Variants in TRPC5 observed in about 807,000 individuals in gnomAD.
TRPC5 encodes transient receptor potential cation channel subfamily C member 5.
In TRPC5, 9 loss-of-function variants were observed where a neutral mutation model predicts 56.5. The observed-to-expected ratio is 0.16, with a 90% CI of 0.10 to 0.28. The LOEUF (loss-of-function observed/expected upper bound fraction) is 0.28. Ranked by LOEUF, TRPC5 falls within the 10% of genes least tolerant of loss-of-function variation. The pLI is 1.00. For synonymous variants in TRPC5, 282 were observed against 278.5 expected (o/e 1.01, Z -0.13); for missense variants, 469 against 748.9 (o/e 0.63, Z 4.36).
chrX:111,836,418 G>A (rs925198353), intron 6 of TRPC5, among the ~76,000 whole-genome samples: 1 of 111,375 alleles, frequency 9.0e-6, no homozygotes, highest in Non-Finnish European at 1.9e-5. Flanking sequence ...TTTGTTCTTC[G>A]GTTCATTTTA....
intron 1 of TRPC5, among the ~76,000 whole-genome samples, chrX:112,027,846 T>C (rs1929462945): frequency 2.7e-5 from 3 of 112,001 alleles, no homozygotes; most frequent in South Asian, 7.5e-4. Flanking sequence ...TCTCAGAATA[T>C]AGGTTGATTC....
chrX:111,936,508 C>A (rs113033024), intron 2 of TRPC5, among the ~76,000 whole-genome samples: 2,858 of 109,748 alleles, frequency 0.026, 105 homozygotes, highest in African/African-American at 0.09. Flanking sequence ...CCACACCCCA[C>A]AACAGGCCCC....
intron 3 of TRPC5, among the ~76,000 whole-genome samples, chrX:111,871,547 T>C (rs1923758744): frequency 9.0e-6 from 1 of 111,339 alleles, no homozygotes; most frequent in Non-Finnish European, 1.9e-5. Context: ...TAGTAACTCA[T>C]GGCATGAGGT....
intron 1 of TRPC5, among the ~76,000 whole-genome samples, chrX:112,047,197 T>C (rs762726072): frequency 1.2e-4 from 13 of 110,986 alleles, no homozygotes; most frequent in Non-Finnish European, 9.5e-5. Context: ...TCAATTGAGG[T>C]CTATATTCTC....
chrX:111,967,817 T>G (rs1927644297), intron 1 of TRPC5, among the ~76,000 whole-genome samples: 1 of 111,889 alleles, frequency 8.9e-6, no homozygotes, highest in South Asian at 3.7e-4. Flanking sequence ...TATACAAAAA[T>G]TAATTCAGGA....
At chrX:111,901,961 C>A (rs1399229878) in intron 3 of TRPC5, 1 of 1,154,705 alleles carries the variant, frequency 8.7e-7, no homozygotes, top group African/African-American at 1.8e-5. Flanking sequence ...ACAAGAAGTT[C>A]CTTATGTAGA....
At chrX:111,959,144 C>CAGTA (rs1228845909) in intron 1 of TRPC5, among the ~76,000 whole-genome samples, 1 of 111,798 alleles carries the variant, frequency 8.9e-6, no homozygotes, top group African/African-American at 3.2e-5. Context: ...ATTTAAAAGC[C>CAGTA]AGTATTATTG....
intron 3 of TRPC5, chrX:111,896,463 T>C (rs1925071268): frequency 9.1e-6 from 1 of 110,300 alleles, no homozygotes; most frequent in South Asian, 4.0e-4. Flanking sequence ...AGGCCGAGCC[T>C]TGATATCCGC....
intron 2 of TRPC5, among the ~76,000 whole-genome samples, chrX:111,931,696 A>G (rs893983174): frequency 1.3e-4 from 14 of 111,943 alleles, no homozygotes; most frequent in African/African-American, 4.6e-4. Flanking sequence ...CAATTCTTAT[A>G]TGAATAATAG....
intron 1 of TRPC5, among the ~76,000 whole-genome samples, chrX:112,005,463 T>TAAAAAAAAAAAAA (rs745973541): frequency 4.2e-4 from 28 of 66,369 alleles, no homozygotes; most frequent in African/African-American, 1.7e-3. Context: ...AACCTAAAAG[T>TAAAAAAAAAAAAA]AAAAAAAAAA....
rs972405883 is a variant in TRPC5 at position 111,775,397 on chromosome X, A to G, written c.*916T>C. 3.6e-5 allele frequency: 4 copies of G among 112,317 alleles called. No homozygotes were observed. Among genetic ancestry groups the G allele is most frequent in the African/African-American group, 1.3e-4 (4 of 30,895 alleles). 9.3% of individuals were successfully genotyped at this position (112,317 alleles called of 1,213,427 possible). A position where few individuals can be genotyped will look rare whatever the true frequency, so the allele number is the denominator to read the frequency against. ...TCTTAGAAATTATTTGATAGCAATGATAATTAAAACTATCAACAGTAGAAT... is the reference window on the plus strand; with the variant it reads ...TCTTAGAAATTATTTGATAGCAATGGTAATTAAAACTATCAACAGTAGAAT... On this transcript the variant is annotated 3_prime_UTR_variant, in exon 11 of 11. Coordinates refer to ENST00000262839, the MANE Select transcript of TRPC5 (RefSeq NM_012471.3).
Position 111,944,303 on chromosome X carries a change from T to TGAAA in TRPC5, c.378+7739_378+7740insTTTC, listed in dbSNP as rs1556592296. 4.1e-3 allele frequency among the ~76,000 whole-genome samples: 252 copies of TGAAA among 61,353 alleles called. 4 individuals carry two copies. The highest frequency in any genetic ancestry group is 0.023 in the African/African-American group (215 of 9,457). The allele number at this position is 61,353 out of a possible 115,157, so 53.3% of individuals were successfully genotyped here. ...GTGTGTGTGTGTGTGTGTGTGTGTG[T>TGAAA]GAGAGAGAGAGAGAGAGAGAGAGAG... is the stretch of plus-strand genomic sequence containing the variant. On this transcript the variant is annotated intron_variant, in intron 2 of 10. Transcript: ENST00000262839.
chrX:111,801,075 AACC>A (rs1921293066), intron 7 of TRPC5, among the ~76,000 whole-genome samples: 1 of 111,897 alleles, frequency 8.9e-6, no homozygotes, highest in South Asian at 3.7e-4. Context: ...TGTCTCTGTC[AACC>A]ACTAATCATT....
At chrX:112,010,309 C>G (rs1427344178) in intron 1 of TRPC5, among the ~76,000 whole-genome samples, 1 of 112,163 alleles carries the variant, frequency 8.9e-6, no homozygotes, top group African/African-American at 3.2e-5. Flanking sequence ...AGCTCTGTGA[C>G]CTTGGGCAAG....
At chrX:111,881,146 G>GTTTATTTTAT (rs747702186) in intron 3 of TRPC5, among the ~76,000 whole-genome samples, 4,058 of 101,121 alleles carry the variant, frequency 0.04, 264 homozygotes, top group African/African-American at 0.14. Flanking sequence ...ATTTTCTTTT[G>GTTTATTTTAT]TTTATTTTAT....
At position 111,769,390 on chromosome X, in the gene TRPC5, C is replaced by G. The variant is rs772566395; in HGVS notation, c.*6923G>C. Among the ~76,000 whole-genome samples the G allele has an allele frequency of 2.7e-5, 3 of 111,834 alleles. No individual in the cohort carries two copies. The highest frequency in any genetic ancestry group is 3.8e-5 in the Non-Finnish European group (2 of 53,145). On this transcript the variant is annotated 3_prime_UTR_variant, in exon 11 of 11. Transcript: ENST00000262839. The stretch of plus-strand genomic sequence containing the variant: ...GAAGCTTCTCTATCTAAATATATTG[C>G]TCTTTAAAGTGTTCTCTTCAGGAGG...
chrX:112,038,481 C>T (rs1012182752), intron 1 of TRPC5, among the ~76,000 whole-genome samples: 11 of 111,406 alleles, frequency 9.9e-5, no homozygotes, highest in African/African-American at 3.3e-4. Flanking sequence ...AGTTATTTTG[C>T]CAGCTTTTCC....
At chrX:111,906,369 A>G (rs6642965) in intron 3 of TRPC5, among the ~76,000 whole-genome samples, 2 of 105,022 alleles carry the variant, frequency 1.9e-5, no homozygotes, top group Non-Finnish European at 4.0e-5. Context: ...AACAAAAAAC[A>G]AAAAAAAGGT....
At chrX:111,956,412 A>T (rs1406638925) in intron 1 of TRPC5, among the ~76,000 whole-genome samples, 1 of 111,931 alleles carries the variant, frequency 8.9e-6, no homozygotes, top group Non-Finnish European at 1.9e-5. Flanking sequence ...GTACGATCTC[A>T]GGTGTGAATG....
Sources: gnomAD v4.1 joint callset for allele counts (sites outside exome capture counted in the v4.1 genomes callset) on GRCh38, gnomAD v4.1.1 for gene constraint, MANE v1.5 for transcripts, NCBI Gene and HGNC (gene_info 2026-07-23, HGNC 2026-07-21) for gene names.